Variants in DPP6 observed in about 807,000 individuals in gnomAD.
DPP6 encodes A-type potassium channel modulatory protein DPP6.
In DPP6, 69 loss-of-function variants were observed where a neutral mutation model predicts 122.6. The ratio of observed to expected loss-of-function variants is 0.56; its 90% CI spans 0.46 to 0.69. DPP6 has a LOEUF of 0.69. Among genes scored for constraint, DPP6 ranks in the 30% least tolerant of loss-of-function variants. The pLI, the probability that DPP6 is intolerant of heterozygous loss-of-function variation, is 0.00. For synonymous variants in DPP6, 418 were observed against 433.1 expected, an observed-to-expected ratio of 0.97 and a Z score of 0.43; for missense variants, 928 against 1,116.9, an observed-to-expected ratio of 0.83 and a Z score of 2.41.
At chr7:153,880,957 AGGTT>A in the DPP6 span, among the ~76,000 whole-genome samples, 149 of 152,170 alleles carry the variant, frequency 9.8e-4, no homozygotes, top group Middle Eastern at 0.014. Flanking sequence ...TTAATTTTGG[AGGTT>A]GGTTTATGTA....
rs75749242 is a variant in DPP6, at chr7:154,875,108, GA to G, written c.1884-789del. On this transcript the variant is annotated intron_variant, in intron 19 of 25. Coordinates refer to ENST00000377770, the MANE Select transcript of DPP6 (RefSeq NM_130797.4). The surrounding 1 kb of genome is among the most constrained non-coding windows in gnomAD (Gnocchi z 4.5). ...GAGTGAGACCCTGTCTCAAACAAAA[GA>G]AAAAAAAAGAAGAAAAGAAAAGAAA... is the stretch of plus-strand genomic sequence containing the variant. Among the ~76,000 whole-genome samples the G allele has an allele frequency of 0.23, 25,295 of 111,688 alleles. 2,500 individuals carry two copies. Among genetic ancestry groups the G allele is most frequent in the East Asian group, 0.57 (2,639 of 4,618 alleles). The allele number at this position is 111,688 out of a possible 152,430, so 73.3% of individuals were successfully genotyped here. A position where few individuals can be genotyped will look rare whatever the true frequency, so the allele number is the denominator to read the frequency against.
intron 16 of DPP6, among the ~76,000 whole-genome samples, chr7:154,836,299 CTCTT>C (rs1801049030): frequency 6.6e-6 from 1 of 152,224 alleles, no homozygotes; most frequent in Non-Finnish European, 1.5e-5. Flanking sequence ...TTTCTTCTCT[CTCTT>C]CTGCCAGTAT....
intron 7 of DPP6, among the ~76,000 whole-genome samples, chr7:154,669,833 C>T (rs1485437716): frequency 8.4e-6 from 1 of 118,508 alleles, no homozygotes; most frequent in Non-Finnish European, 1.8e-5. Flanking sequence ...CAGACTTCTT[C>T]CTGTGGAGGG....
chr7:154,537,364 C>T (rs982187060), intron 3 of DPP6, among the ~76,000 whole-genome samples: 2 of 152,160 alleles, frequency 1.3e-5, no homozygotes, highest in African/African-American at 2.4e-5. Flanking sequence ...TTTACACCCA[C>T]TGTATTGGAA....
chr7:153,986,323 ATCTT>A (rs1163796946), intron 1 of DPP6, among the ~76,000 whole-genome samples: 4 of 152,020 alleles, frequency 2.6e-5, no homozygotes, highest in Admixed American at 1.3e-4. Flanking sequence ...TAGAGAAGCT[ATCTT>A]TCTATTTTTT....
chr7:154,822,173 G>C (rs897531162), intron 16 of DPP6, among the ~76,000 whole-genome samples: 11 of 152,292 alleles, frequency 7.2e-5, no homozygotes, highest in African/African-American at 2.6e-4. Context: ...AGGCAAGACT[G>C]TTTCACTGAT....
At chr7:154,097,674 G>A (rs1453645139) in intron 1 of DPP6, among the ~76,000 whole-genome samples, 2 of 152,368 alleles carry the variant, frequency 1.3e-5, no homozygotes, top group South Asian at 4.1e-4. Context: ...GGGTAGCAGG[G>A]ATCTGGGAGC....
intron 5 of DPP6, among the ~76,000 whole-genome samples, chr7:154,623,353 C>A (rs761364216): frequency 4.6e-5 from 7 of 152,190 alleles, no homozygotes; most frequent in Non-Finnish European, 7.3e-5. Flanking sequence ...ATTCCCTGGG[C>A]AGTCAGTGGT....
chr7:153,872,140 G>GT, the DPP6 span, among the ~76,000 whole-genome samples: 2 of 152,138 alleles, frequency 1.3e-5, no homozygotes, highest in African/African-American at 4.8e-5. Context: ...TAAAAGAGCA[G>GT]TTTTTTTCCC....
chr7:153,814,909 T>C, the DPP6 span, among the ~76,000 whole-genome samples: 5,527 of 151,562 alleles, frequency 0.036, 102 homozygotes, highest in South Asian at 0.11. Flanking sequence ...AATTCAACAA[T>C]GCTTCATGCT....
chr7:154,054,714 C>G (rs1192989522), intron 1 of DPP6, among the ~76,000 whole-genome samples: 1 of 150,388 alleles, frequency 6.6e-6, no homozygotes, highest in Non-Finnish European at 1.5e-5. Context: ...ATTAAACTAC[C>G]GAGAATCTTG....
chr7:154,147,524 G>C (rs3115158), intron 1 of DPP6, among the ~76,000 whole-genome samples: 5 of 150,890 alleles, frequency 3.3e-5, no homozygotes, highest in African/African-American at 9.8e-5. Context: ...CTCTCGCTCA[G>C]ACTGGAGTGC....
In DPP6 at chr7:154,648,452, G is replaced by A. The variant is rs187161915; in HGVS notation, c.680+10579G>A. ...GACACAAATACCCCACTGTGTCTGCGCTGGGGACATTGGCCTAAATCAAAC... is the reference window on the plus strand; with the variant it reads ...GACACAAATACCCCACTGTGTCTGCACTGGGGACATTGGCCTAAATCAAAC... On this transcript the variant is annotated intron_variant, in intron 6 of 25. Transcript: ENST00000377770. Among the ~76,000 whole-genome samples, 601 of 152,172 alleles carry A rather than the reference G, an allele frequency of 3.9e-3. 7 individuals are homozygous for A. The highest frequency in any genetic ancestry group is 3.9e-3 in the South Asian group (19 of 4,824).
At chr7:154,212,054 G>C (rs964806316) in intron 1 of DPP6, among the ~76,000 whole-genome samples, 1 of 152,150 alleles carries the variant, frequency 6.6e-6, no homozygotes, top group Non-Finnish European at 1.5e-5. Context: ...TTATACATGA[G>C]AAAGGCAGGC....
chr7:154,534,396 C>CA (rs1828075560), intron 3 of DPP6, among the ~76,000 whole-genome samples: 1 of 151,726 alleles, frequency 6.6e-6, no homozygotes, highest in South Asian at 2.1e-4. Context: ...GCAGTAAAGC[C>CA]AAAAAATAAA....
intron 1 of DPP6, among the ~76,000 whole-genome samples, chr7:154,409,954 A>G (rs1563622654): frequency 6.6e-6 from 1 of 152,220 alleles, no homozygotes; most frequent in Non-Finnish European, 1.5e-5. Context: ...GCCAGGAAAG[A>G]CAGAGGAGAA....
At chr7:154,658,943 G>C (rs773405901) in intron 6 of DPP6, among the ~76,000 whole-genome samples, 2 of 152,198 alleles carry the variant, frequency 1.3e-5, no homozygotes, top group African/African-American at 4.8e-5. Context: ...TTGGGCATTC[G>C]CTAGTCTGGG....
intron 1 of DPP6, among the ~76,000 whole-genome samples, chr7:154,118,096 G>A (rs1807132019): frequency 6.7e-6 from 1 of 149,370 alleles, no homozygotes; most frequent in East Asian, 1.9e-4. Flanking sequence ...GAAGCTGAGG[G>A]AGGAAGAAAA....
intron 2 of DPP6, among the ~76,000 whole-genome samples, chr7:154,458,042 A>G (rs930688417): frequency 2.0e-5 from 3 of 152,200 alleles, no homozygotes; most frequent in African/African-American, 7.2e-5. Flanking sequence ...CAAAGTGACC[A>G]CAGAGGTGGA....
Sources: allele counts gnomAD v4.1 joint callset (sites outside exome capture counted in the v4.1 genomes callset), GRCh38; gene constraint gnomAD v4.1.1; non-coding constraint Gnocchi (gnomAD v3.1); transcripts MANE v1.5; gene names NCBI Gene and HGNC (gene_info 2026-07-23, HGNC 2026-07-21).